Variants in AGPAT5 observed in about 807,000 individuals in gnomAD.
AGPAT5 encodes 1-acyl-sn-glycerol-3-phosphate acyltransferase epsilon.
Under a neutral mutation model 45.6 loss-of-function variants are expected in AGPAT5, and 46 were observed. That is an observed-to-expected ratio of 1.01 (90% CI 0.80 to 1.29). The LOEUF (loss-of-function observed/expected upper bound fraction) is 1.29. Ranked by LOEUF, AGPAT5 falls within the 50% of genes most tolerant of loss-of-function variation. The pLI, the probability that AGPAT5 is intolerant of heterozygous loss-of-function variation, is 0.00. For synonymous variants in AGPAT5, 272 were observed against 167.0 expected (o/e 1.63, Z -4.85); for missense variants, 673 against 450.7 (o/e 1.49, Z -4.47).
intron 6 of AGPAT5, among the ~76,000 whole-genome samples, chr8:6,751,950 G>A (rs58394237): frequency 0.035 from 5,259 of 151,894 alleles, 283 homozygotes; most frequent in African/African-American, 0.12. Context: ...ATGCTGAGGC[G>A]GGTGGATCAC....
At position 6,741,304 on chromosome 8, in the gene AGPAT5, C is replaced by T. The variant is rs192301798; in HGVS notation, c.496-357C>T. ...CTAAAATTTGTATTTCTAAAAATGA[C>T]GTATTACAGGATCTGAAAGGGCAAA... On this transcript the variant is annotated intron_variant, in intron 4 of 7. Transcript: ENST00000285518. 4.6e-5 allele frequency among the ~76,000 whole-genome samples: 7 copies of T among 152,060 alleles called. No homozygotes were observed. The East Asian group carries it at 5.8e-4, about 13-fold the overall frequency.
chr8:6,743,205 G>A (rs1409702292), intron 5 of AGPAT5, among the ~76,000 whole-genome samples: 1 of 152,102 alleles, frequency 6.6e-6, no homozygotes, highest in Admixed American at 6.5e-5. Context: ...GTTATTTCCA[G>A]TGTCAGGTTT....
At chr8:6,709,349 G>A (rs1294994681) in intron 1 of AGPAT5, 1 of 172,068 alleles carries the variant, frequency 5.8e-6, no homozygotes, top group African/African-American at 2.4e-5. Context: ...AGTGAAAGCT[G>A]GGCGAAGAAA....
intron 3 of AGPAT5, 48 bp downstream of exon 3, chr8:6,730,874 T>A: frequency 3.3e-6 from 4 of 1,202,960 alleles, no homozygotes; most frequent in South Asian, 1.6e-5. Context: ...TTTATAAATT[T>A]TTTTTTTTTT....
At position 6,730,622 on chromosome 8, in the gene AGPAT5, G is replaced by A. The variant is rs1300985231; in HGVS notation, c.290-89G>A. The A allele has an allele frequency of 1.9e-5, 2 of 102,572 alleles. 1 individual carries two copies. Among genetic ancestry groups the A allele is most frequent in the East Asian group, 6.5e-4 (2 of 3,062 alleles). 6.4% of individuals were successfully genotyped at this position (102,572 alleles called of 1,614,324 possible). ...TGGGATTACAGGCGTGAGCCACCGC[G>A]CCCGGCCATCATAGTACTTTTGAAG... is the stretch of plus-strand genomic sequence containing the variant. On this transcript the variant is annotated intron_variant, in intron 2 of 7. Transcript: ENST00000285518.
chr8:6,709,636 A>G (rs1239214024), intron 1 of AGPAT5: 3 of 151,612 alleles, frequency 2.0e-5, no homozygotes, highest in African/African-American at 7.3e-5. Flanking sequence ...GTTATTCCTA[A>G]TGTCCACCTA....
chr8:6,719,025 C>G (rs1728477527), intron 1 of AGPAT5, among the ~76,000 whole-genome samples: 1 of 152,134 alleles, frequency 6.6e-6, no homozygotes. Context: ...GAATGAGTAC[C>G]TTTCCATGGT....
In AGPAT5 at chr8:6,760,348, T is replaced by C; in HGVS notation, c.*2960T>C. 6.6e-6 allele frequency among the ~76,000 whole-genome samples: 1 copy of C among 152,068 alleles called. No individual in the cohort carries two copies. Among genetic ancestry groups the C allele is most frequent in the East Asian group, 1.9e-4 (1 of 5,190 alleles). On this transcript the variant is annotated 3_prime_UTR_variant, in exon 8 of 8. Coordinates refer to ENST00000285518, the MANE Select transcript of AGPAT5 (RefSeq NM_018361.5). The stretch of plus-strand genomic sequence containing the variant: ...AGGAGGTTGAGATTGCAGTGAGCCA[T>C]GGACATACCACTGCACTACAGCCTA...
chr8:6,757,099 T>G, intron 7 of AGPAT5, 64 bp from the exon 8 acceptor site: 2 of 1,252,194 alleles, frequency 1.6e-6, no homozygotes, highest in Admixed American at 4.1e-5. Context: ...GCTACCTGAT[T>G]GATATTTTTT....
intron 1 of AGPAT5, among the ~76,000 whole-genome samples, chr8:6,714,226 A>T (rs1275861441): frequency 6.6e-6 from 1 of 152,204 alleles, no homozygotes; most frequent in Non-Finnish European, 1.5e-5. Context: ...TGAAGACCTT[A>T]AATAGATCTT....
In AGPAT5 at chr8:6,741,667, C is replaced by G. The variant is rs754858993; in HGVS notation, c.502C>G (p.Leu168Val). The G allele has an allele frequency of 1.2e-6, 2 of 1,603,268 alleles. No individual in the cohort carries two copies. Among genetic ancestry groups the G allele is most frequent in the Non-Finnish European group, 1.7e-6 (2 of 1,175,516 alleles). Residue 168 changes from leucine (L) to valine (V), a missense_variant, in exon 5 of 8, where the codon CTT becomes GTT. By Grantham distance (32) the Leu-to-Val change is conservative. Transcript: ENST00000285518. ...SYVDAGTPMY[L>V]VIFPEGTRYN... ...TTTGCTCTATGTCCCACAGATGTAT[C>G]TTGTGATTTTTCCAGAAGGTACAAG...
chr8:6,733,723 T>A (rs1800946087), intron 4 of AGPAT5, among the ~76,000 whole-genome samples: 1 of 152,152 alleles, frequency 6.6e-6, no homozygotes, highest in Admixed American at 6.5e-5. Flanking sequence ...CAAAAAAAAT[T>A]TAAAAATCAT....
At chr8:6,716,350 G>A (rs1316460636) in intron 1 of AGPAT5, among the ~76,000 whole-genome samples, 1 of 152,070 alleles carries the variant, frequency 6.6e-6, no homozygotes, top group Non-Finnish European at 1.5e-5. Context: ...CTTGAGGTCA[G>A]GCATTCGAGA....
chr8:6,746,640 TAA>T (rs1157518346), intron 5 of AGPAT5, among the ~76,000 whole-genome samples: 1 of 152,212 alleles, frequency 6.6e-6, no homozygotes, highest in Non-Finnish European at 1.5e-5. Context: ...CCCTGGGGAC[TAA>T]AGTCAGATAC....
intron 1 of AGPAT5, among the ~76,000 whole-genome samples, chr8:6,721,193 A>G (rs1205024298): frequency 6.6e-6 from 1 of 152,234 alleles, no homozygotes; most frequent in Non-Finnish European, 1.5e-5. Flanking sequence ...TAGTTTTTGT[A>G]TGCTTTACAG....
intron 2 of AGPAT5, among the ~76,000 whole-genome samples, chr8:6,730,329 T>TCTGCAG (rs1800820442): frequency 1.2e-4 from 1 of 8,514 alleles, no homozygotes; most frequent in Admixed American, 1.8e-3. Flanking sequence ...TTTTTTTTTT[T>TCTGCAG]TTTTTTTTTT....
chr8:6,727,202 G>C (rs965277285), intron 2 of AGPAT5, among the ~76,000 whole-genome samples: 18 of 152,096 alleles, frequency 1.2e-4, no homozygotes, highest in Non-Finnish European at 2.5e-4. Flanking sequence ...GAGTTTCCTG[G>C]CCTGATACTC....
intron 1 of AGPAT5, among the ~76,000 whole-genome samples, chr8:6,712,482 G>C (rs1800187196): frequency 6.6e-6 from 1 of 152,022 alleles, no homozygotes; most frequent in Non-Finnish European, 1.5e-5. Context: ...TGTTTGGTTT[G>C]TTTGCCACTT....
chr8:6,743,616 ATAT>A (rs1449626599), intron 5 of AGPAT5, among the ~76,000 whole-genome samples: 19 of 152,300 alleles, frequency 1.2e-4, no homozygotes, highest in Non-Finnish European at 2.2e-4. Flanking sequence ...CACTGTGGTA[ATAT>A]TTAAACTTTT....
Sources: allele counts gnomAD v4.1 joint callset (sites outside exome capture counted in the v4.1 genomes callset), GRCh38; gene constraint gnomAD v4.1.1; transcripts MANE v1.5; gene names NCBI Gene and HGNC (gene_info 2026-07-23, HGNC 2026-07-21).